Variants in HID1 observed in about 807,000 individuals in gnomAD.
HID1 encodes HID1 domain containing, also known as protein HID1.
A neutral mutation model predicts 89.7 loss-of-function variants in HID1; 42 were observed. The observed-to-expected ratio is 0.47, with a 90% CI of 0.37 to 0.61. The LOEUF (loss-of-function observed/expected upper bound fraction) is 0.61. Among genes scored for constraint, HID1 ranks in the 20% least tolerant of loss-of-function variants. The probability of loss-of-function intolerance (pLI) is 0.00; values close to 1 mark genes in which losing one functional copy is unlikely to be tolerated. For missense variants in HID1, 854 were observed against 1,039.3 expected (o/e 0.82, Z 2.45); for synonymous variants, 442 against 433.8 (o/e 1.02, Z -0.24).
At position 74,972,494 on chromosome 17, in the gene HID1, C is replaced by G. The variant is rs2039664478; in HGVS notation, c.66+97G>C. 1 of 1,139,676 alleles carries G rather than the reference C, an allele frequency of 8.8e-7. No homozygotes were observed. The highest frequency in any genetic ancestry group is 1.2e-6 in the Non-Finnish European group (1 of 809,646). The allele number at this position is 1,139,676 out of a possible 1,614,324, so 70.6% of individuals were successfully genotyped here. A position where few individuals can be genotyped will look rare whatever the true frequency, so the allele number is the denominator to read the frequency against. ...GGCGTTACGCTCGGGGCCCGCCCGT[C>G]CCCCCATCTCCCGACGAGCCAAGTT... On this transcript the variant is annotated intron_variant, in intron 1 of 18. Transcript: ENST00000425042. This position sits in a 1 kb window ranked among gnomAD's most constrained non-coding sequence, Gnocchi z 6.4.
chr17:74,960,963 T>TC (rs2144814200), intron 6 of HID1, among the ~76,000 whole-genome samples: 1 of 136,506 alleles, frequency 7.3e-6, no homozygotes, highest in South Asian at 2.8e-4. Flanking sequence ...TGCTCACGTG[T>TC]CCCCCACAGT....
intron 6 of HID1, 66 bp from the exon 7 acceptor site, chr17:74,960,314 C>A: frequency 7.3e-7 from 1 of 1,378,510 alleles, no homozygotes; most frequent in South Asian, 1.3e-5. Context: ...CCACACCTCT[C>A]TGGCCACGTG....
rs1443524528 is a variant in HID1 at position 74,963,049 on chromosome 17, G to A, written c.420C>T (p.Pro140=). The A allele has an allele frequency of 6.2e-7, 1 of 1,612,786 alleles. No homozygotes were observed. The highest frequency in any genetic ancestry group is 8.5e-7 in the Non-Finnish European group (1 of 1,179,406). The change falls in exon 4 of 19, where the codon CCC becomes CCT. Residue 140 remains proline (P), a synonymous_variant. Coordinates refer to ENST00000425042, the MANE Select transcript of HID1 (RefSeq NM_030630.3). ...QGEEDDEHAR[P]LAESLLLAIA... ...TGGCCAGGAGCAGGGACTCGGCCAG[G>A]GGCCTGGCATGCTCATCATCCTCTT...
intron 1 of HID1, among the ~76,000 whole-genome samples, 154 bp from the exon 2 acceptor site, chr17:74,964,786 T>C (rs1192543626): frequency 6.6e-6 from 1 of 152,174 alleles, no homozygotes; most frequent in African/African-American, 2.4e-5. Flanking sequence ...GGGGACATAC[T>C]TCAGCCACCA....
intron 1 of HID1, among the ~76,000 whole-genome samples, chr17:74,969,922 C>CTTTTTTTTTT (rs61436029): frequency 1.7e-4 from 19 of 112,152 alleles, no homozygotes; most frequent in African/African-American, 5.7e-4. Context: ...TTTCTTTTTT[C>CTTTTTTTTTT]TTTTTTTTTT....
At position 74,959,031 on chromosome 17, in the gene HID1, C is replaced by A. The variant is rs756272962; in HGVS notation, c.1029G>T (p.Lys343Asn). 1.9e-6 allele frequency: 3 copies of A among 1,576,402 alleles called. No homozygotes were observed. The highest frequency in any genetic ancestry group is 2.7e-5 in the African/African-American group (2 of 72,738). ...HREEDFQFIL[K>N]GIARLLSNPL... is the part of the protein sequence containing the mutation. ...GGTTGGACAGCAGCCGGGCTATACC[C>A]TTGAGGATGAACTGGAAGTCCTGGG... Residue 343 changes from lysine to asparagine, a missense_variant, in exon 9 of 19, where the codon AAG becomes AAT. By Grantham distance (94) the Lys-to-Asn change is moderately conservative. Coordinates refer to ENST00000425042, the MANE Select transcript of HID1 (RefSeq NM_030630.3). This position sits in a 1 kb window ranked among gnomAD's most constrained non-coding sequence, Gnocchi z 4.6.
At chr17:74,960,871 C>A (rs145359411) in intron 6 of HID1, among the ~76,000 whole-genome samples, 134 of 152,382 alleles carry the variant, frequency 8.8e-4, no homozygotes, top group South Asian at 7.9e-3. Context: ...CCCTATGCAG[C>A]CAACACAGCT....
intron 12 of HID1, chr17:74,957,844 G>T (rs879689371): frequency 6.9e-5 from 26 of 377,898 alleles, no homozygotes; most frequent in Non-Finnish European, 1.2e-4. Flanking sequence ...AGGTTGCAGT[G>T]AGCTGAGATG....
In HID1 at chr17:74,961,927, G is replaced by A. The variant is rs759829067; in HGVS notation, c.674C>T (p.Pro225Leu). 9.4e-6 allele frequency: 15 copies of A among 1,603,978 alleles called. No individual in the cohort carries two copies. Among genetic ancestry groups the A allele is most frequent in the South Asian group, 1.1e-5 (1 of 89,906 alleles). Residue 225 changes from proline to leucine, a missense_variant, in exon 6 of 19, where the codon CCG (proline) becomes CTG (leucine). Pro to Leu is a moderately conservative substitution (Grantham distance 98, BLOSUM62 -3). Transcript: ENST00000425042. ...FSEAMYLPPA[P>L]ESGSTNPWVQ... ...CCATGGGTTGGTGCTGCCACTTTCC[G>A]GAGCTGGGGGCAGGTACATGGCCTC... is the stretch of plus-strand genomic sequence containing the variant.
intron 1 of HID1, chr17:74,970,913 T>G (rs1471454990): frequency 6.5e-6 from 1 of 152,810 alleles, no homozygotes. Flanking sequence ...CAGGCCCCCG[T>G]CCGCCTACAG....
At chr17:74,963,625 C>A in intron 3 of HID1, 115 bp downstream of exon 3, 1 of 1,068,990 alleles carries the variant, frequency 9.4e-7, no homozygotes, top group Non-Finnish European at 1.3e-6. Context: ...ACTGGCCCCA[C>A]CCCTGTACTT....
rs754062140 is a variant in HID1, at chr17:74,951,556, C to T, written c.*14G>A. On this transcript the variant is annotated 3_prime_UTR_variant, in exon 19 of 19. Coordinates refer to ENST00000425042, the MANE Select transcript of HID1 (RefSeq NM_030630.3). ...CTGCCTTCCCCTAGACTGAGCCCCT[C>T]GTCGGCTTCATCCTCACACCCGCTG... 5.0e-6 allele frequency: 8 copies of T among 1,607,310 alleles called. No homozygotes were observed. Among genetic ancestry groups the T allele is most frequent in the African/African-American group, 4.0e-5 (3 of 74,864 alleles).
chr17:74,954,295 C>G lies in HID1; in HGVS notation c.1707G>C (p.Thr569=). 6.3e-7 allele frequency: 1 copy of G among 1,587,568 alleles called. No individual in the cohort carries two copies. Residue 569 remains threonine (T), a synonymous_variant, in exon 14 of 19, where the codon ACG becomes ACC. Coordinates refer to ENST00000425042, the MANE Select transcript of HID1 (RefSeq NM_030630.3). ...SIFHQLANLP[T]DPPTIHKALQ... ...GGGCCTTGTGAATGGTGGGCGGGTCCGTGGGCAGGTTGGCCAGCTGGTGGA... is the reference window on the plus strand; with the variant it reads ...GGGCCTTGTGAATGGTGGGCGGGTCGGTGGGCAGGTTGGCCAGCTGGTGGA...
At chr17:74,952,099 G>A (rs1206447752) in intron 17 of HID1, 36 bp from the exon 18 acceptor site, 3 of 1,550,164 alleles carry the variant, frequency 1.9e-6, no homozygotes, top group East Asian at 2.4e-5. Context: ...ACACTCACGT[G>A]GTCCAGGGGA....
At position 74,962,268 on chromosome 17, in the gene HID1, A is replaced by G; in HGVS notation, c.577T>C (p.Ser193Pro). 6.2e-7 allele frequency: 1 copy of G among 1,610,066 alleles called. No individual in the cohort carries two copies. Among genetic ancestry groups the G allele is most frequent in the Non-Finnish European group, 8.5e-7 (1 of 1,177,234 alleles). The part of the protein sequence containing the change: ...IWEAGVGFAH[S>P]PQPNYIHDMN... The stretch of plus-strand genomic sequence containing the variant: ...TCGTGGATGTAGTTAGGCTGGGGGG[A>G]GTGAGCGAAGCCCACACCAGCCTCC... Residue 193 changes from serine to proline, a missense_variant, in exon 5 of 19, where the codon TCC becomes CCC. Transcript: ENST00000425042. The surrounding 1 kb of genome is among the most constrained non-coding windows in gnomAD (Gnocchi z 4.3).
At position 74,963,625 on chromosome 17, in the gene HID1, C is replaced by T. The variant is rs140237666; in HGVS notation, c.387+115G>A. 2.1e-3 allele frequency: 2,263 copies of T among 1,068,988 alleles called. 37 individuals carry two copies. In the African/African-American group the frequency reaches 0.031, roughly 15 times the overall value. The allele number at this position is 1,068,988 out of a possible 1,614,324, so 66.2% of individuals were successfully genotyped here. A position where few individuals can be genotyped will look rare whatever the true frequency, so the allele number is the denominator to read the frequency against. On this transcript the variant is annotated intron_variant, in intron 3 of 18. Coordinates refer to ENST00000425042, the MANE Select transcript of HID1 (RefSeq NM_030630.3). ...CCCTCAGCAGCACCCACTGGCCCCA[C>T]CCCTGTACTTCCCAAATCCCAGAAG...
chr17:74,967,801 C>G (rs970309258), intron 1 of HID1: 3 of 151,996 alleles, frequency 2.0e-5, no homozygotes, highest in Admixed American at 6.6e-5. Context: ...GAACCAGGAT[C>G]GTACCATGGC....
At chr17:74,966,479 T>C (rs1479910808) in intron 1 of HID1, among the ~76,000 whole-genome samples, 4 of 151,932 alleles carry the variant, frequency 2.6e-5, no homozygotes, top group African/African-American at 9.7e-5. Flanking sequence ...GCCCATCCCT[T>C]TATGGCTCCT....
At chr17:74,951,819 AGGT>A in intron 18 of HID1, 83 bp downstream of exon 18, 1 of 1,411,160 alleles carries the variant, frequency 7.1e-7, no homozygotes, top group Non-Finnish European at 9.5e-7. Flanking sequence ...AGTCCACCAT[AGGT>A]GGTGGGGCCC....
Sources: gnomAD v4.1 joint callset for allele counts (sites outside exome capture counted in the v4.1 genomes callset) on GRCh38, gnomAD v4.1.1 for gene constraint, Gnocchi (gnomAD v3.1) non-coding constraint, MANE v1.5 for transcripts, NCBI Gene and HGNC (gene_info 2026-07-23, HGNC 2026-07-21) for gene names.